The following ANKRD36 variants were observed in gnomAD, a reference collection of about 807,000 sequenced individuals.
ANKRD36 encodes the protein ankyrin repeat domain-containing protein 36A.
ANKRD36 carries 179 observed loss-of-function variants against 278.1 expected under a neutral mutation model. The ratio of observed to expected loss-of-function variants is 0.64; its 90% CI spans 0.57 to 0.73. The LOEUF (loss-of-function observed/expected upper bound fraction) is 0.73. Ranked by LOEUF, ANKRD36 falls within the 30% of genes least tolerant of loss-of-function variation. The pLI is 0.00. For missense variants in ANKRD36, 1,159 were observed against 1,956.7 expected (o/e 0.59, Z 7.69); for synonymous variants, 320 against 641.1 (o/e 0.50, Z 7.57).
At position 97,194,739 on chromosome 2, in the gene ANKRD36, A is replaced by G; in HGVS notation, c.2463A>G (p.Lys821=). 6.2e-7 allele frequency: 1 copy of G among 1,604,934 alleles called. No individual in the cohort carries two copies. Among genetic ancestry groups the G allele is most frequent in the Non-Finnish European group, 8.5e-7 (1 of 1,178,598 alleles). Residue 821 remains lysine, a synonymous_variant, in exon 39 of 76, where the codon AAA becomes AAG. Transcript: ENST00000420699. ...GEKSRTVSSR[K]KPALKATSDE... is the part of the protein sequence containing the mutation. ...TTTGCTTTTCAGTGTCTTCTCGGAA[A>G]AAACCAGCCTTGAAGGTAATGAAAC...
At chr2:97,182,944 C>T (rs931262904) in intron 26 of ANKRD36, among the ~76,000 whole-genome samples, 1 of 151,640 alleles carries the variant, frequency 6.6e-6, no homozygotes, top group African/African-American at 2.4e-5. Flanking sequence ...GGCTGGGCCA[C>T]TTCCACCGAG....
Position 97,113,423 on chromosome 2 carries a change from G to C in ANKRD36, c.-317G>C. On this transcript the variant is annotated 5_prime_UTR_variant, in exon 1 of 76. Coordinates refer to ENST00000420699, the MANE Select transcript of ANKRD36 (RefSeq NM_001354587.1). The stretch of plus-strand genomic sequence containing the variant: ...GCGGGCGACAGTTAAACAGGCCCTG[G>C]GGCAGGGCGCGCCTCGCGCTCCAGG... The C allele has an allele frequency of 2.4e-6, 1 of 422,714 alleles. No individual in the cohort carries two copies. The highest frequency in any genetic ancestry group is 2.6e-5 in the South Asian group (1 of 38,382). 26.2% of individuals were successfully genotyped at this position (422,714 alleles called of 1,614,324 possible).
At position 97,217,157 on chromosome 2, in the gene ANKRD36, A is replaced by G. The variant is rs1394018188; in HGVS notation, c.3674-20A>G. The G allele has an allele frequency of 3.4e-5, 53 of 1,539,130 alleles. No individual in the cohort carries two copies. The highest frequency in any genetic ancestry group is 4.0e-5 in the Non-Finnish European group (46 of 1,139,502). On this transcript the variant is annotated intron_variant, in intron 62 of 75. Coordinates refer to ENST00000420699, the MANE Select transcript of ANKRD36 (RefSeq NM_001354587.1). ...GTCATATTTACATATGATGAATTAT[A>G]TATTTCTTTTACTTTTCAGTGTCTC...
intron 26 of ANKRD36, among the ~76,000 whole-genome samples, chr2:97,182,458 T>C (rs1343328395): frequency 2.0e-5 from 3 of 147,906 alleles, no homozygotes; most frequent in Non-Finnish European, 4.5e-5. Flanking sequence ...ATCAGAGATA[T>C]ACGTTTTGTT....
At chr2:97,207,008 G>A (rs2063039067) in intron 52 of ANKRD36, among the ~76,000 whole-genome samples, 2 of 151,472 alleles carry the variant, frequency 1.3e-5, no homozygotes, top group Non-Finnish European at 1.5e-5. Context: ...CTCCTAAAAT[G>A]CTCATTTTCA....
intron 13 of ANKRD36, among the ~76,000 whole-genome samples, chr2:97,152,156 C>A (rs2046223530): frequency 7.0e-6 from 1 of 142,406 alleles, no homozygotes; most frequent in Non-Finnish European, 1.6e-5. Flanking sequence ...CCACACCTGG[C>A]TAATTTTTGT....
At chr2:97,131,567 T>A (rs761099296) in intron 6 of ANKRD36, among the ~76,000 whole-genome samples, 1 of 152,030 alleles carries the variant, frequency 6.6e-6, no homozygotes, top group Non-Finnish European at 1.5e-5. Context: ...ACCCACTGTT[T>A]GGGAGCCGAA....
intron 44 of ANKRD36, among the ~76,000 whole-genome samples, 174 bp downstream of exon 44, chr2:97,198,832 G>T (rs1164814876): frequency 6.6e-6 from 1 of 151,740 alleles, no homozygotes; most frequent in African/African-American, 2.4e-5. Context: ...TCTGGAACAT[G>T]ATCTTCGCAG....
chr2:97,128,390 G>A (rs543668230), intron 6 of ANKRD36, among the ~76,000 whole-genome samples: 29 of 151,902 alleles, frequency 1.9e-4, no homozygotes, highest in Admixed American at 9.2e-4. Context: ...AGGAAGTGAT[G>A]TTGCAAAAAT....
chr2:97,118,075 A>G lies in ANKRD36; in HGVS notation c.209A>G (p.His70Arg), dbSNP rs1157049313. Residue 70 changes from histidine (H) to arginine (R), a missense_variant, in exon 2 of 76, where the codon CAT becomes CGT. Physicochemically the swap from His to Arg is conservative, Grantham distance 29 (BLOSUM62 0). Coordinates refer to ENST00000420699, the MANE Select transcript of ANKRD36 (RefSeq NM_001354587.1). Reference sequence around the variant, plus strand: ...TGTCACTCTCACAGGACCGCCCTACATTTGGCCTGTGCCACTGGCCAACCG... The same window carrying G: ...TGTCACTCTCACAGGACCGCCCTACGTTTGGCCTGTGCCACTGGCCAACCG... ...KRDRKERTAL[H>R]LACATGQPEM... is the part of the protein sequence containing the mutation. The G allele has an allele frequency of 1.9e-6, 3 of 1,554,520 alleles. No individual in the cohort carries two copies. The highest frequency in any genetic ancestry group is 3.9e-5 in the Admixed American group (2 of 51,312).
At chr2:97,208,252 C>A (rs1242909481) in intron 54 of ANKRD36, among the ~76,000 whole-genome samples, 2 of 146,752 alleles carry the variant, frequency 1.4e-5, no homozygotes, top group East Asian at 3.9e-4. Context: ...CAGTTCAAGG[C>A]ATAAGGGGCT....
chr2:97,202,459 T>C (rs1376020089), intron 48 of ANKRD36, 66 bp downstream of exon 48: 6 of 1,535,444 alleles, frequency 3.9e-6, no homozygotes, highest in Non-Finnish European at 5.3e-6. Context: ...CTTCCCCAAA[T>C]AAATCAGCGG....
intron 54 of ANKRD36, 40 bp from the exon 55 acceptor site, chr2:97,209,641 A>G (rs575542104): frequency 4.4e-6 from 7 of 1,581,408 alleles, no homozygotes; most frequent in Non-Finnish European, 5.1e-6. Context: ...ACTTTATCAT[A>G]TTTACATGTG....
chr2:97,198,374 G>A, intron 42 of ANKRD36, 89 bp from the exon 43 acceptor site: 1 of 1,544,764 alleles, frequency 6.5e-7, no homozygotes, highest in Non-Finnish European at 8.7e-7. Context: ...CAGGCAGGAG[G>A]ACAGAGGTTG....
At chr2:97,169,847 C>A (rs2051882303) in intron 22 of ANKRD36, among the ~76,000 whole-genome samples, 2 of 152,174 alleles carry the variant, frequency 1.3e-5, no homozygotes, top group Admixed American at 1.3e-4. Flanking sequence ...ATGAAAATGG[C>A]CATACTGCCC....
At chr2:97,175,006 T>A (rs1309766006) in intron 22 of ANKRD36, among the ~76,000 whole-genome samples, 1 of 144,354 alleles carries the variant, frequency 6.9e-6, no homozygotes, top group Admixed American at 7.1e-5. Flanking sequence ...AGCTTTTTGA[T>A]GTGCTGCTGG....
intron 42 of ANKRD36, among the ~76,000 whole-genome samples, chr2:97,198,195 C>T (rs1358216145): frequency 6.6e-6 from 1 of 151,918 alleles, no homozygotes; most frequent in Non-Finnish European, 1.5e-5. Flanking sequence ...GGCATATCCA[C>T]GTTGATAGTG....
chr2:97,196,691 T>A (rs752369758), intron 41 of ANKRD36, 25 bp from the exon 42 acceptor site: 1 of 1,578,206 alleles, frequency 6.3e-7, no homozygotes, highest in Non-Finnish European at 8.6e-7. Context: ...TATTTATTTA[T>A]TATTTCGTTT....
intron 6 of ANKRD36, among the ~76,000 whole-genome samples, chr2:97,128,375 G>A (rs577904635): frequency 6.6e-6 from 1 of 151,962 alleles, no homozygotes; most frequent in South Asian, 2.1e-4. Flanking sequence ...TAGGAGAGGA[G>A]TCAGAGGAAG....
Sources: gnomAD v4.1 joint callset for allele counts (sites outside exome capture counted in the v4.1 genomes callset) on GRCh38, gnomAD v4.1.1 for gene constraint, MANE v1.5 for transcripts, NCBI Gene and HGNC (gene_info 2026-07-23, HGNC 2026-07-21) for gene names.